The following TNFSF11 variants were observed in gnomAD, a reference collection of about 807,000 sequenced individuals.
The protein encoded by TNFSF11 is tumor necrosis factor ligand superfamily member 11.
Under a neutral mutation model 32.2 loss-of-function variants are expected in TNFSF11, and 12 were observed. That is an observed-to-expected ratio of 0.37 (90% confidence interval 0.24 to 0.60). The LOEUF is 0.60. Ranked by LOEUF, TNFSF11 falls within the 20% of genes least tolerant of loss-of-function variation. TNFSF11 has a pLI of 0.66. For synonymous variants in TNFSF11, 172 were observed against 152.1 expected (o/e 1.13, Z -0.96); for missense variants, 345 against 398.0 (o/e 0.87, Z 1.13).
intron 4 of TNFSF11, among the ~76,000 whole-genome samples, chr13:42,606,226 A>G (rs1869442553): frequency 6.6e-6 from 1 of 152,166 alleles, no homozygotes; most frequent in Admixed American, 6.5e-5. Flanking sequence ...TTCTGCTCTG[A>G]ACACATATCG....
At chr13:42,588,601 T>C (rs1384969889) in intron 2 of TNFSF11, among the ~76,000 whole-genome samples, 2 of 152,184 alleles carry the variant, frequency 1.3e-5, no homozygotes, top group Non-Finnish European at 2.9e-5. Context: ...GCCTGTGTAA[T>C]TGAAGAGCGG....
At chr13:42,571,066 A>T (rs1225087320), upstream of TNFSF11, among the ~76,000 whole-genome samples, 1 of 152,160 alleles carries the variant, frequency 6.6e-6, no homozygotes, top group Non-Finnish European at 1.5e-5. Context: ...CAGTGCTGGC[A>T]TATAGTGGGT....
At position 42,574,197 on chromosome 13, in the gene TNFSF11, C is replaced by T; in HGVS notation, c.-107C>T. The T allele has an allele frequency of 1.4e-6, 2 of 1,443,218 alleles. No homozygotes were observed. The highest frequency in any genetic ancestry group is 1.9e-6 in the Non-Finnish European group (2 of 1,058,188). The allele number at this position is 1,443,218 out of a possible 1,614,324, so 89.4% of individuals were successfully genotyped here. A position where few individuals can be genotyped will look rare whatever the true frequency, so the allele number is the denominator to read the frequency against. On this transcript the variant is annotated 5_prime_UTR_variant, in exon 1 of 5. Transcript: ENST00000398795. ...CAGGACCCAAAGCCGGGCTCCAAGTCGGCGCCCCACGTCGAGGCTCCGCCG... is the reference window on the plus strand; with the variant it reads ...CAGGACCCAAAGCCGGGCTCCAAGTTGGCGCCCCACGTCGAGGCTCCGCCG...
At chr13:42,567,534 A>C (rs1303120712) in intron 2 of TNFSF11, among the ~76,000 whole-genome samples, 16 of 152,170 alleles carry the variant, frequency 1.1e-4, no homozygotes, top group Non-Finnish European at 1.5e-5. Flanking sequence ...TGAGAGCTAA[A>C]CCAAACCAAC....
intron 1 of TNFSF11, among the ~76,000 whole-genome samples, chr13:42,578,478 G>A (rs572153007): frequency 3.5e-4 from 54 of 152,260 alleles, no homozygotes; most frequent in African/African-American, 1.1e-3. Context: ...AAAGACATGT[G>A]GTTGTAGGTT....
rs369726443 is a variant in TNFSF11, at chr13:42,592,087, CCTGT to C, written c.388-8661_388-8658del. On this transcript the variant is annotated intron_variant, in intron 2 of 4. Coordinates refer to ENST00000398795, the MANE Select transcript of TNFSF11 (RefSeq NM_003701.4). ...AATGTTTTTCTCTGTACTCTCATAA[CCTGT>C]CTGACACCAAATATGTGGCGTTTGC... Among the ~76,000 whole-genome samples, 825 of 152,296 alleles carry C rather than the reference CCTGT, an allele frequency of 5.4e-3. 3 individuals are homozygous for C. Among genetic ancestry groups the C allele is most frequent in the Middle Eastern group, 0.01 (3 of 294 alleles).
In TNFSF11 at chr13:42,603,806, A is replaced by G. The variant is rs182581602; in HGVS notation, c.533-2691A>G. On this transcript the variant is annotated intron_variant, in intron 4 of 4. Transcript: ENST00000398795. ...TCTATTTTCTCTACTATTAGTGGTG[A>G]GTGCCATTAAGGCACAGTTGGTTGA... 1.5e-4 allele frequency among the ~76,000 whole-genome samples: 23 copies of G among 152,330 alleles called. No individual in the cohort carries two copies. In the East Asian group the frequency reaches 4.2e-3, roughly 28 times the overall value.
At chr13:42,595,236 CTT>C (rs754601695) in intron 2 of TNFSF11, among the ~76,000 whole-genome samples, 12 of 152,132 alleles carry the variant, frequency 7.9e-5, no homozygotes, top group Non-Finnish European at 1.6e-4. Context: ...TGGTTGCTCT[CTT>C]TGGTAGTTCG....
intron 2 of TNFSF11, among the ~76,000 whole-genome samples, chr13:42,587,674 A>C (rs374582602): frequency 6.6e-6 from 1 of 152,194 alleles, no homozygotes; most frequent in Non-Finnish European, 1.5e-5. Flanking sequence ...CTTGATTGTC[A>C]CCTGCACCGC....
intron 1 of TNFSF11, chr13:42,566,494 G>C (rs1378695210): frequency 6.6e-6 from 1 of 152,190 alleles, no homozygotes; most frequent in African/African-American, 2.4e-5. Context: ...AAGAAACAGA[G>C]GTGAATTTAT....
chr13:42,583,417 T>TAAAAAAAAAA lies in TNFSF11; in HGVS notation c.387+2136_387+2145dup, dbSNP rs71747752. 3.3e-3 allele frequency among the ~76,000 whole-genome samples: 81 copies of TAAAAAAAAAA among 24,600 alleles called. 1 individual carries two copies. Among genetic ancestry groups the TAAAAAAAAAA allele is most frequent in the African/African-American group, 5.6e-3 (29 of 5,166 alleles). 16.1% of individuals were successfully genotyped at this position (24,600 alleles called of 152,430 possible). Reference sequence around the variant, plus strand: ...CCTGGGTGACATAGCAAGACCCTGCTAAAAAAAAAAAAAAAAAAAAAGAAA... The same window carrying TAAAAAAAAAA: ...CCTGGGTGACATAGCAAGACCCTGCTAAAAAAAAAAAAAAAAAAAAAAAAAAAAAAAGAAA... On this transcript the variant is annotated intron_variant, in intron 2 of 4. Coordinates refer to ENST00000398795, the MANE Select transcript of TNFSF11 (RefSeq NM_003701.4).
intron 2 of TNFSF11, among the ~76,000 whole-genome samples, chr13:42,568,649 G>A (rs116789372): frequency 7.7e-4 from 117 of 152,310 alleles, no homozygotes; most frequent in African/African-American, 2.3e-3. Flanking sequence ...AGCAGCATAT[G>A]AGCCTGGACC....
intron 2 of TNFSF11, among the ~76,000 whole-genome samples, chr13:42,596,544 G>A (rs545596707): frequency 6.6e-6 from 1 of 152,278 alleles, no homozygotes; most frequent in South Asian, 2.1e-4. Context: ...CAAAGTTCAA[G>A]TCTCAGCTTT....
At chr13:42,563,233 G>A (rs933602397) in intron 1 of TNFSF11, among the ~76,000 whole-genome samples, 6 of 152,202 alleles carry the variant, frequency 3.9e-5, no homozygotes, top group African/African-American at 1.4e-4. Context: ...GTTCTGAATT[G>A]AAGGAGGGAA....
intron 1 of TNFSF11, among the ~76,000 whole-genome samples, chr13:42,577,286 A>T (rs1287280156): frequency 6.6e-6 from 1 of 152,224 alleles, no homozygotes; most frequent in Non-Finnish European, 1.5e-5. Flanking sequence ...AATTACGGTG[A>T]CGGTTAAAAA....
At chr13:42,574,810 T>G (rs889491461) in intron 1 of TNFSF11, among the ~76,000 whole-genome samples, 12 of 152,208 alleles carry the variant, frequency 7.9e-5, no homozygotes, top group Middle Eastern at 3.2e-3. Flanking sequence ...GTCCCTTCGC[T>G]GGGAAACAAC....
intron 2 of TNFSF11, among the ~76,000 whole-genome samples, chr13:42,587,735 T>C (rs1380280547): frequency 1.3e-5 from 2 of 152,216 alleles, no homozygotes; most frequent in African/African-American, 2.4e-5. Flanking sequence ...AACTAGAAAG[T>C]TCACCAGATT....
At chr13:42,605,857 G>A (rs566005694) in intron 4 of TNFSF11, among the ~76,000 whole-genome samples, 1 of 152,306 alleles carries the variant, frequency 6.6e-6, no homozygotes, top group African/African-American at 2.4e-5. Flanking sequence ...TATGAGAATT[G>A]AGTTTAGACG....
chr13:42,568,716 G>A (rs1239408882), intron 2 of TNFSF11, among the ~76,000 whole-genome samples: 1 of 152,164 alleles, frequency 6.6e-6, no homozygotes, highest in Non-Finnish European at 1.5e-5. Flanking sequence ...CAAAGGAGAG[G>A]TGGCAAGTAC....
Sources: allele counts gnomAD v4.1 joint callset (sites outside exome capture counted in the v4.1 genomes callset), GRCh38; gene constraint gnomAD v4.1.1; transcripts MANE v1.5; gene names NCBI Gene and HGNC (gene_info 2026-07-23, HGNC 2026-07-21).